Variants in PGM1 observed in about 807,000 individuals in gnomAD.
The protein encoded by PGM1 is phosphoglucomutase-1.
In PGM1, 52 loss-of-function variants were observed where a neutral mutation model predicts 55.6. The observed-to-expected ratio is 0.94, with a 90% CI of 0.75 to 1.18. PGM1 has a LOEUF of 1.18. Ranked by LOEUF, PGM1 falls within the 50% of genes most tolerant of loss-of-function variation. The probability of loss-of-function intolerance (pLI) is 0.00; values close to 1 mark genes in which losing one functional copy is unlikely to be tolerated. For missense variants in PGM1, 724 were observed against 729.3 expected, an observed-to-expected ratio of 0.99 and a Z score of 0.08; for synonymous variants, 287 against 271.7, an observed-to-expected ratio of 1.06 and a Z score of -0.55.
At chr1:63,652,650 C>T (rs1649841196) in intron 9 of PGM1, among the ~76,000 whole-genome samples, 1 of 152,178 alleles carries the variant, frequency 6.6e-6, no homozygotes, top group Admixed American at 6.5e-5. Context: ...TACAACCTCC[C>T]AGTTTACTTT....
At chr1:63,617,730 CAAAAAAAAAAAAAAA>C (rs34771728) in intron 1 of PGM1, among the ~76,000 whole-genome samples, 1,029 of 43,426 alleles carry the variant, frequency 0.024, 25 homozygotes, top group African/African-American at 0.074. Context: ...TGCCTCCCCA[CAAAAAAAAAAAAAAA>C]AAAAAAAAAA....
chr1:63,644,845 G>C (rs965313112), intron 7 of PGM1, among the ~76,000 whole-genome samples: 6 of 150,412 alleles, frequency 4.0e-5, no homozygotes, highest in Admixed American at 6.6e-5. Flanking sequence ...AGCTTTATCT[G>C]CTGAGCCACA....
intron 1 of PGM1, among the ~76,000 whole-genome samples, chr1:63,599,252 G>T (rs1041921626): frequency 6.6e-6 from 1 of 151,830 alleles, no homozygotes; most frequent in Admixed American, 6.6e-5. Flanking sequence ...TGTAACCTCC[G>T]CCTCCTGGGT....
In PGM1 at chr1:63,630,019, C is replaced by A. The variant is rs762897512; in HGVS notation, c.487C>A (p.Leu163Met). 6.2e-7 allele frequency: 1 copy of A among 1,613,962 alleles called. No homozygotes were observed. The highest frequency in any genetic ancestry group is 8.5e-7 in the Non-Finnish European group (1 of 1,179,854). The change falls in exon 3 of 11, where the codon CTG (leucine) becomes ATG (methionine). Residue 163 changes from leucine (L) to methionine (M), a missense_variant. Physicochemically the swap from Leu to Met is conservative, Grantham distance 15. This residue lies in a region of PGM1 where 379 missense variants were observed against 357.5 expected (regional missense o/e 1.06). Coordinates refer to ENST00000371084, the MANE Select transcript of PGM1 (RefSeq NM_002633.3). ...TIEEYAVCPD[L>M]KVDLGVLGKQ... ...TGAAGAATATGCAGTTTGCCCTGAC[C>A]TGAAAGTAGACCTTGGTGTTCTGGG...
chr1:63,602,227 C>T (rs1372043093), intron 1 of PGM1, among the ~76,000 whole-genome samples: 1 of 152,232 alleles, frequency 6.6e-6, no homozygotes, highest in African/African-American at 2.4e-5. Context: ...GTAGGAGTTT[C>T]AGAGCTTTTA....
chr1:63,655,229 C>G (rs890554473), intron 10 of PGM1, among the ~76,000 whole-genome samples: 19 of 151,982 alleles, frequency 1.3e-4, no homozygotes, highest in African/African-American at 4.6e-4. Context: ...ATCCTCCTAC[C>G]TCAGCCTCCC....
chr1:63,599,332 A>G (rs1421091794), intron 1 of PGM1, among the ~76,000 whole-genome samples: 1 of 151,824 alleles, frequency 6.6e-6, no homozygotes, highest in Admixed American at 6.6e-5. Flanking sequence ...TACCCAGCTA[A>G]TTTTTGTATT....
At chr1:63,638,189 A>C (rs1649411572) in intron 6 of PGM1, among the ~76,000 whole-genome samples, 1 of 152,194 alleles carries the variant, frequency 6.6e-6, no homozygotes, top group Non-Finnish European at 1.5e-5. Context: ...CTGACCAGAG[A>C]GCTGAATACT....
At chr1:63,619,834 T>C (rs527624801) in intron 1 of PGM1, among the ~76,000 whole-genome samples, 3 of 152,232 alleles carry the variant, frequency 2.0e-5, no homozygotes, top group African/African-American at 7.2e-5. Flanking sequence ...CAGAGGCCCA[T>C]CCACCTTTGT....
intron 1 of PGM1, among the ~76,000 whole-genome samples, chr1:63,615,935 G>T (rs754104749): frequency 6.6e-6 from 1 of 152,080 alleles, no homozygotes; most frequent in Non-Finnish European, 1.5e-5. Flanking sequence ...GTTGTGCAAG[G>T]CTGCTCTGGG....
intron 1 of PGM1, chr1:63,623,524 C>T: frequency 6.2e-7 from 1 of 1,612,744 alleles, no homozygotes; most frequent in Non-Finnish European, 8.5e-7. Flanking sequence ...TCCTCTCCCT[C>T]TGTTGACTTT....
chr1:63,647,259 C>CATACATATAT (rs1649673441), intron 7 of PGM1, among the ~76,000 whole-genome samples: 1 of 55,446 alleles, frequency 1.8e-5, no homozygotes, highest in Non-Finnish European at 3.4e-5. Flanking sequence ...TAAAATTTTA[C>CATACATATAT]ATATATATAT....
chr1:63,593,907 A>G lies in PGM1; in HGVS notation c.246+173A>G, dbSNP rs569979044. On this transcript the variant is annotated intron_variant, in intron 1 of 10. Transcript: ENST00000371084. ...CTCTTCTGGCCTGGAGGCCCGACGG[A>G]GGTCGCCGGGCTGGGGAAAGTGGCC... 3.7e-4 allele frequency: 455 copies of G among 1,244,558 alleles called. 2 individuals are homozygous for G. In the African/African-American group the frequency reaches 7.0e-3, roughly 19 times the overall value. The allele number at this position is 1,244,558 out of a possible 1,614,324, so 77.1% of individuals were successfully genotyped here. A position where few individuals can be genotyped will look rare whatever the true frequency, so the allele number is the denominator to read the frequency against.
chr1:63,599,498 TAAA>T (rs10608683), intron 1 of PGM1, among the ~76,000 whole-genome samples: 25 of 147,688 alleles, frequency 1.7e-4, no homozygotes, highest in South Asian at 4.3e-4. Flanking sequence ...ACCCCCACTT[TAAA>T]AAAAAAAAAA....
chr1:63,618,909 T>G (rs1176840622), intron 1 of PGM1, among the ~76,000 whole-genome samples: 1 of 152,180 alleles, frequency 6.6e-6, no homozygotes, highest in Non-Finnish European at 1.5e-5. Flanking sequence ...CGAATTCTTT[T>G]CTGATTCTTC....
At position 63,604,959 on chromosome 1, in the gene PGM1, G is replaced by GTGTATT. The variant is rs58900430; in HGVS notation, c.246+11226_246+11227insGTATTT. Among the ~76,000 whole-genome samples, 74 of 134,294 alleles carry GTGTATT rather than the reference G, an allele frequency of 5.5e-4. 1 individual carries two copies. Among genetic ancestry groups the GTGTATT allele is most frequent in the African/African-American group, 2.1e-3 (67 of 32,286 alleles). The allele number at this position is 134,294 out of a possible 152,430, so 88.1% of individuals were successfully genotyped here. A position where few individuals can be genotyped will look rare whatever the true frequency, so the allele number is the denominator to read the frequency against. Reference sequence around the variant, plus strand: ...TGTGTGTGTGTGTGTGTGTGTGTGTGTAAAGAGAGGGGATATAGTTGTATA... The same window carrying GTGTATT: ...TGTGTGTGTGTGTGTGTGTGTGTGTGTGTATTTAAAGAGAGGGGATATAGTTGTATA... On this transcript the variant is annotated intron_variant, in intron 1 of 10. Coordinates refer to ENST00000371084, the MANE Select transcript of PGM1 (RefSeq NM_002633.3).
chr1:63,614,576 A>T (rs1397765916), intron 1 of PGM1, among the ~76,000 whole-genome samples: 1 of 152,224 alleles, frequency 6.6e-6, no homozygotes, highest in Admixed American at 6.5e-5. Flanking sequence ...GTAGCATGAT[A>T]GTTACATGTC....
In PGM1 at chr1:63,593,663, G is replaced by A; in HGVS notation, c.175G>A (p.Val59Met). Residue 59 changes from valine to methionine, a missense_variant, in exon 1 of 11, where the codon GTG becomes ATG. By Grantham distance (21) the Val-to-Met change is conservative. Around this residue, in one of 3 missense-constraint regions of PGM1, gnomAD observed 379 missense variants for 357.5 expected, o/e 1.06. Coordinates refer to ENST00000371084, the MANE Select transcript of PGM1 (RefSeq NM_002633.3). ...GCAGCGGCAGGAGGCCACGCTGGTG[G>A]TGGGCGGGGACGGCCGGTTCTACAT... is the stretch of plus-strand genomic sequence containing the variant. ...PAQRQEATLV[V>M]GGDGRFYMKE... 6.2e-7 allele frequency: 1 copy of A among 1,608,924 alleles called. No homozygotes were observed. The highest frequency in any genetic ancestry group is 8.5e-7 in the Non-Finnish European group (1 of 1,178,136).
chr1:63,630,001 T>C lies in PGM1; in HGVS notation c.469T>C (p.Tyr157His). 2 of 1,614,032 alleles carry C rather than the reference T, an allele frequency of 1.2e-6. No individual in the cohort carries two copies. The highest frequency in any genetic ancestry group is 1.7e-6 in the Non-Finnish European group (2 of 1,179,902). ...CCAAATCAGCAAGACAATTGAAGAATATGCAGTTTGCCCTGACCTGAAAGT... is the reference window on the plus strand; with the variant it reads ...CCAAATCAGCAAGACAATTGAAGAACATGCAGTTTGCCCTGACCTGAAAGT... ...IFQISKTIEE[Y>H]AVCPDLKVDL... is the part of the protein sequence containing the mutation. Residue 157 changes from tyrosine (Y) to histidine (H), a missense_variant, in exon 3 of 11, where the codon TAT becomes CAT. Physicochemically the swap from Tyr to His is moderately conservative, Grantham distance 83 (BLOSUM62 2). Around this residue, in one of 3 missense-constraint regions of PGM1, gnomAD observed 379 missense variants for 357.5 expected, o/e 1.06. Transcript: ENST00000371084.
Sources: allele counts gnomAD v4.1 joint callset (sites outside exome capture counted in the v4.1 genomes callset), GRCh38; gene constraint gnomAD v4.1.1; regional missense constraint gnomAD v4.1.1; transcripts MANE v1.5; gene names NCBI Gene and HGNC (gene_info 2026-07-23, HGNC 2026-07-21).